Variants in GRM7 observed in about 807,000 individuals in gnomAD.
The protein encoded by GRM7 is metabotropic glutamate receptor 7.
Under a neutral mutation model 84.5 loss-of-function variants are expected in GRM7, and 35 were observed. The ratio of observed to expected loss-of-function variants is 0.41; its 90% confidence interval spans 0.32 to 0.55. The LOEUF is 0.55. Among genes scored for constraint, GRM7 ranks in the 20% least tolerant of loss-of-function variants. The pLI is 0.19. For missense variants in GRM7, 1,003 were observed against 1,194.6 expected, an observed-to-expected ratio of 0.84 and a Z score of 2.36; for synonymous variants, 487 against 455.1, an observed-to-expected ratio of 1.07 and a Z score of -0.89.
intron 1 of GRM7, among the ~76,000 whole-genome samples, chr3:7,062,992 G>A (rs1481822787): frequency 6.6e-6 from 1 of 151,684 alleles, no homozygotes; most frequent in Non-Finnish European, 1.5e-5. Flanking sequence ...GTGTTTGAGG[G>A]AGCTTTGGTA....
intron 8 of GRM7, among the ~76,000 whole-genome samples, chr3:7,661,855 G>A (rs946289872): frequency 2.7e-5 from 3 of 111,996 alleles, no homozygotes; most frequent in Non-Finnish European, 6.5e-5. Flanking sequence ...AAAATACTTT[G>A]GCAATTTTTT....
At chr3:7,492,971 C>T (rs1162231219) in intron 7 of GRM7, among the ~76,000 whole-genome samples, 1 of 151,956 alleles carries the variant, frequency 6.6e-6, no homozygotes, top group Non-Finnish European at 1.5e-5. Flanking sequence ...AATTGCTACA[C>T]ATTGAGAGAT....
intron 5 of GRM7, among the ~76,000 whole-genome samples, chr3:7,428,235 G>A (rs1696690809): frequency 6.6e-6 from 1 of 152,098 alleles, no homozygotes; most frequent in African/African-American, 2.4e-5. Context: ...TAGTTATTTT[G>A]TTATCCAAGT....
intron 2 of GRM7, among the ~76,000 whole-genome samples, chr3:7,250,058 C>G (rs529767716): frequency 7.9e-5 from 12 of 152,268 alleles, no homozygotes; most frequent in Non-Finnish European, 1.6e-4. Flanking sequence ...TCATGTGAGG[C>G]TAGGAAATGT....
intron 7 of GRM7, among the ~76,000 whole-genome samples, chr3:7,569,058 A>T (rs185609989): frequency 7.2e-5 from 11 of 152,254 alleles, no homozygotes; most frequent in Admixed American, 5.9e-4. Flanking sequence ...TGGGCTCCTG[A>T]CCCTGGTGGG....
intron 2 of GRM7, among the ~76,000 whole-genome samples, chr3:7,193,003 G>A (rs1695760892): frequency 6.6e-6 from 1 of 151,992 alleles, no homozygotes; most frequent in South Asian, 2.1e-4. Flanking sequence ...CATTCTCCAC[G>A]GGTTTATCTT....
Position 6,963,662 on chromosome 3 carries a change from G to A in GRM7, c.519+101755G>A, listed in dbSNP as rs557637420. ...ACATATCATTCATTCCAAAATGTGT[G>A]TATATGTTTAGCATTTTTAAAATCA... On this transcript the variant is annotated intron_variant, in intron 1 of 9. Transcript: ENST00000357716. Among the ~76,000 whole-genome samples the A allele has an allele frequency of 3.9e-5, 6 of 152,238 alleles. No homozygotes were observed. In the South Asian group the frequency reaches 1.0e-3, roughly 26 times the overall value.
At chr3:6,868,712 T>C (rs912094771) in intron 1 of GRM7, among the ~76,000 whole-genome samples, 3 of 152,216 alleles carry the variant, frequency 2.0e-5, no homozygotes, top group Non-Finnish European at 4.4e-5. Context: ...AGGACTGTTT[T>C]AATACAATTG....
chr3:7,446,466 T>G (rs1441560625), intron 5 of GRM7, among the ~76,000 whole-genome samples: 1 of 104,792 alleles, frequency 9.5e-6, no homozygotes, highest in African/African-American at 4.4e-5. Context: ...TTTTTTTTGT[T>G]TTTTTTTTTT....
intron 4 of GRM7, among the ~76,000 whole-genome samples, chr3:7,392,965 C>T (rs959386383): frequency 1.3e-5 from 2 of 152,112 alleles, no homozygotes; most frequent in Non-Finnish European, 1.5e-5. Flanking sequence ...GACACATCAG[C>T]CTGAACTCAG....
At chr3:6,901,464 G>T (rs1696377949) in intron 1 of GRM7, among the ~76,000 whole-genome samples, 1 of 151,988 alleles carries the variant, frequency 6.6e-6, no homozygotes, top group South Asian at 2.1e-4. Flanking sequence ...TGAGCGTGGT[G>T]GTGCGTGCCT....
intron 1 of GRM7, among the ~76,000 whole-genome samples, chr3:7,007,125 C>G (rs926943667): frequency 1.3e-5 from 2 of 152,116 alleles, no homozygotes; most frequent in Non-Finnish European, 2.9e-5. Context: ...TTAGTGATGG[C>G]GTGGCTAATG....
chr3:7,414,771 ACT>A (rs1248630671), intron 4 of GRM7, among the ~76,000 whole-genome samples: 6 of 151,922 alleles, frequency 3.9e-5, no homozygotes, highest in African/African-American at 1.5e-4. Context: ...ATTTCTTATA[ACT>A]CTGTTTTCTC....
In GRM7 at chr3:7,234,887, T is replaced by TCC. The variant is rs537683777; in HGVS notation, c.737-63796_737-63795dup. 1.9e-3 allele frequency among the ~76,000 whole-genome samples: 290 copies of TCC among 152,310 alleles called. 1 individual carries two copies. Among genetic ancestry groups the TCC allele is most frequent in the Admixed American group, 4.7e-3 (72 of 15,282 alleles). On this transcript the variant is annotated intron_variant, in intron 2 of 9. Transcript: ENST00000357716. ...TCTTGAAAGGTGCCAGATCAAAAAG[T>TCC]CCTTCATTAAACTCATTAAAGTTTT...
At chr3:7,493,837 A>T (rs980675349) in intron 7 of GRM7, among the ~76,000 whole-genome samples, 1 of 151,914 alleles carries the variant, frequency 6.6e-6, no homozygotes, top group Non-Finnish European at 1.5e-5. Context: ...GTGTATCTGT[A>T]TTTCTCATAA....
In GRM7 at chr3:7,358,626, C is replaced by T. The variant is rs1284383636; in HGVS notation, c.1033+51974C>T. Among the ~76,000 whole-genome samples the T allele has an allele frequency of 2.0e-5, 3 of 148,344 alleles. 1 individual carries two copies. Among genetic ancestry groups the T allele is most frequent in the African/African-American group, 7.7e-5 (3 of 39,138 alleles). On this transcript the variant is annotated intron_variant, in intron 4 of 9. Coordinates refer to ENST00000357716, the MANE Select transcript of GRM7 (RefSeq NM_000844.4). ...CAATTTAACTTTAATCCAGTGCTTC[C>T]AAACTTTATGTTACTGGGATCTCTT...
At chr3:7,407,523 T>C (rs1171067394) in intron 4 of GRM7, among the ~76,000 whole-genome samples, 6 of 152,224 alleles carry the variant, frequency 3.9e-5, no homozygotes, top group Admixed American at 3.9e-4. Flanking sequence ...CTGCATTTAC[T>C]GAACCATTTT....
chr3:7,575,769 C>T (rs1694930204), intron 7 of GRM7, among the ~76,000 whole-genome samples: 2 of 152,026 alleles, frequency 1.3e-5, no homozygotes, highest in Non-Finnish European at 2.9e-5. Context: ...GAGTTGAAAC[C>T]TGCTTTAAAC....
At chr3:7,424,339 C>T (rs1339325722) in intron 5 of GRM7, among the ~76,000 whole-genome samples, 1 of 152,000 alleles carries the variant, frequency 6.6e-6, no homozygotes, top group African/African-American at 2.4e-5. Flanking sequence ...CAGGGCTCCT[C>T]CATGACTTAA....
Sources: gnomAD v4.1 joint callset for allele counts (sites outside exome capture counted in the v4.1 genomes callset) on GRCh38, gnomAD v4.1.1 for gene constraint, MANE v1.5 for transcripts, NCBI Gene and HGNC (gene_info 2026-07-23, HGNC 2026-07-21) for gene names.